SLC9D1: variants seen among roughly 807,000 people sequenced by gnomAD.
SLC9D1 encodes the protein putative LAG1-interacting protein.
the SLC9D1 span, among the ~76,000 whole-genome samples, chr13:113,502,543 A>T: frequency 0.025 from 3,846 of 152,220 alleles, 98 homozygotes; most frequent in East Asian, 0.12. Context: ...CCCATTCACA[A>T]CACATGGAAA....
At chr13:113,496,026 G>A in the SLC9D1 span, 5 of 1,603,432 alleles carry the variant, frequency 3.1e-6, no homozygotes, top group East Asian at 8.9e-5. Context: ...TGCAATAAAG[G>A]TCAGTCCTAG....
the SLC9D1 span, among the ~76,000 whole-genome samples, chr13:113,526,935 T>TA: frequency 2.0e-5 from 3 of 152,264 alleles, no homozygotes; most frequent in African/African-American, 7.2e-5. Flanking sequence ...ATCATTGTGT[T>TA]ACAGTTGGCT....
At chr13:113,517,035 C>T in the SLC9D1 span, among the ~76,000 whole-genome samples, 666 of 152,316 alleles carry the variant, frequency 4.4e-3, 5 homozygotes, top group African/African-American at 0.015. Flanking sequence ...AACCTTGAGA[C>T]CAGGTGCCGT....
chr13:113,525,158 C>T, the SLC9D1 span, among the ~76,000 whole-genome samples: 1 of 152,190 alleles, frequency 6.6e-6, no homozygotes, highest in Non-Finnish European at 1.5e-5. Context: ...CTCCCCCTGC[C>T]CACATGTTAA....
chr13:113,503,378 T>C, the SLC9D1 span: 2 of 633,744 alleles, frequency 3.2e-6, no homozygotes, highest in South Asian at 3.8e-5. Context: ...TGTGTGTGTG[T>C]GTGTGTATGT....
chr13:113,547,513 TG>T, the SLC9D1 span: 1 of 684,678 alleles, frequency 1.5e-6, no homozygotes, highest in South Asian at 1.8e-5. Context: ...GGAGGCCCAC[TG>T]GGCCACTGGA....
chr13:113,507,661 G>A, the SLC9D1 span, among the ~76,000 whole-genome samples: 1 of 152,174 alleles, frequency 6.6e-6, no homozygotes, highest in Non-Finnish European at 1.5e-5. Context: ...CCTTAAACTT[G>A]ATCTCTTAAG....
chr13:113,527,042 A>G, the SLC9D1 span, among the ~76,000 whole-genome samples: 3 of 152,054 alleles, frequency 2.0e-5, no homozygotes, highest in African/African-American at 7.2e-5. Context: ...GTGTAAATGC[A>G]CTCTGGAATG....
the SLC9D1 span, among the ~76,000 whole-genome samples, chr13:113,532,672 G>C: frequency 1.3e-5 from 2 of 152,094 alleles, no homozygotes; most frequent in Admixed American, 1.3e-4. Context: ...GGCCTGGTCT[G>C]CTTGGCCGTG....
the SLC9D1 span, among the ~76,000 whole-genome samples, chr13:113,532,720 CCT>C: frequency 6.6e-6 from 1 of 152,166 alleles, no homozygotes; most frequent in African/African-American, 2.4e-5. Flanking sequence ...CAGAAAGGGG[CCT>C]CTCTCTGAGT....
chr13:113,517,378 GC>G, the SLC9D1 span, among the ~76,000 whole-genome samples: 1 of 151,986 alleles, frequency 6.6e-6, no homozygotes, highest in African/African-American at 2.4e-5. Flanking sequence ...GACTACAGGC[GC>G]CCGCCACCAC....
chr13:113,523,093 G>A, the SLC9D1 span, among the ~76,000 whole-genome samples: 1 of 150,632 alleles, frequency 6.6e-6, no homozygotes, highest in Non-Finnish European at 1.5e-5. Flanking sequence ...CTAACTTCAT[G>A]AGAGATATTG....
At chr13:113,517,661 G>C in the SLC9D1 span, among the ~76,000 whole-genome samples, 1 of 152,080 alleles carries the variant, frequency 6.6e-6, no homozygotes, top group Non-Finnish European at 1.5e-5. Flanking sequence ...GGTCAAAAAC[G>C]GCAAGTCGCA....
the SLC9D1 span, chr13:113,529,601 G>C: frequency 6.6e-6 from 1 of 151,878 alleles, no homozygotes; most frequent in Admixed American, 6.6e-5. Context: ...AGTGAGCTGA[G>C]ATCACGACAC....
chr13:113,541,604 T>C, the SLC9D1 span, among the ~76,000 whole-genome samples: 55 of 90,270 alleles, frequency 6.1e-4, no homozygotes, highest in Admixed American at 7.8e-4. Flanking sequence ...TTTATTACCG[T>C]CCAGATGTGT....
At chr13:113,532,810 G>A in the SLC9D1 span, among the ~76,000 whole-genome samples, 2 of 147,482 alleles carry the variant, frequency 1.4e-5, no homozygotes, top group South Asian at 2.2e-4. Flanking sequence ...GCCCTGCAGC[G>A]AGCTCTGAAG....
the SLC9D1 span, among the ~76,000 whole-genome samples, chr13:113,508,922 G>T: frequency 6.6e-6 from 1 of 152,304 alleles, no homozygotes; most frequent in Admixed American, 6.5e-5. Flanking sequence ...GGCGGGCTTG[G>T]TGGGTGGGTC....
chr13:113,518,643 T>C, the SLC9D1 span, among the ~76,000 whole-genome samples: 1 of 152,086 alleles, frequency 6.6e-6, no homozygotes, highest in African/African-American at 2.4e-5. Flanking sequence ...CCTCCCGTCT[T>C]GCGAAGGCTG....
the SLC9D1 span, among the ~76,000 whole-genome samples, chr13:113,526,316 G>A: frequency 6.6e-6 from 1 of 152,200 alleles, no homozygotes; most frequent in Non-Finnish European, 1.5e-5. Flanking sequence ...TCTGTTTTAA[G>A]TGTCATTACA....
Sources: allele counts gnomAD v4.1 joint callset (sites outside exome capture counted in the v4.1 genomes callset), GRCh38; gene constraint gnomAD v4.1.1; transcripts MANE v1.5; gene names NCBI Gene and HGNC (gene_info 2026-07-23, HGNC 2026-07-21).